The following OR51B5 variants were observed in gnomAD, a reference collection of about 807,000 sequenced individuals.
OR51B5 encodes the protein olfactory receptor family 51 subfamily B member 5.
For synonymous variants in OR51B5, 186 were observed against 144.8 expected, an observed-to-expected ratio of 1.28 and a Z score of -2.04; for missense variants, 456 against 374.6, an observed-to-expected ratio of 1.22 and a Z score of -1.79.
chr11:5,449,737 G>A (rs1850816521), intron 1 of OR51B5, among the ~76,000 whole-genome samples: 1 of 152,208 alleles, frequency 6.6e-6, no homozygotes, highest in Non-Finnish European at 1.5e-5. Flanking sequence ...TAGAAGGGAA[G>A]TGGTCACAAC....
chr11:5,416,332 C>A (rs936660222), intron 1 of OR51B5, among the ~76,000 whole-genome samples: 9 of 151,070 alleles, frequency 6.0e-5, no homozygotes, highest in African/African-American at 1.7e-4. Flanking sequence ...ACTGAATGGG[C>A]AAAAACTGGA....
rs141201376 is a variant in OR51B5 at position 5,441,091 on chromosome 11, G to A, written n.84+64478C>T. On this transcript the variant is annotated intron_variant and non_coding_transcript_variant, in intron 1 of 4. Coordinates refer to the OR51B5 transcript ENST00000415970. The stretch of plus-strand genomic sequence containing the variant: ...ATGCCCAGACCCATAGCCAATATAC[G>A]GTTGTGAGTGAGCACAGTGACATAG... 77 of 1,613,900 alleles carry A rather than the reference G, an allele frequency of 4.8e-5. No individual in the cohort carries two copies. The Middle Eastern group carries it at 1.3e-3, about 28-fold the overall frequency.
intron 1 of OR51B5, chr11:5,441,625 C>T (rs1231201281): frequency 3.8e-6 from 3 of 783,022 alleles, no homozygotes; most frequent in Non-Finnish European, 6.1e-6. Context: ...AAAATGATTG[C>T]CTGTATTCCT....
At chr11:5,419,931 T>G (rs1266163887) in intron 1 of OR51B5, among the ~76,000 whole-genome samples, 1 of 151,516 alleles carries the variant, frequency 6.6e-6, no homozygotes, top group Non-Finnish European at 1.5e-5. Flanking sequence ...TAAGCACATA[T>G]ATAAAGATTA....
chr11:5,484,915 G>C (rs906023824), intron 1 of OR51B5, among the ~76,000 whole-genome samples: 1 of 152,184 alleles, frequency 6.6e-6, no homozygotes, highest in Non-Finnish European at 1.5e-5. Flanking sequence ...TCCAATACAT[G>C]TTATACAGTA....
chr11:5,413,022 C>G (rs12575881), intron 1 of OR51B5, among the ~76,000 whole-genome samples: 1 of 105,732 alleles, frequency 9.5e-6, no homozygotes, highest in East Asian at 2.2e-4. Context: ...AGCAGCCTTA[C>G]TGGGAGGCAC....
chr11:5,366,307 G>A (rs1487241179), intron 1 of OR51B5, among the ~76,000 whole-genome samples: 1 of 152,042 alleles, frequency 6.6e-6, no homozygotes, highest in Non-Finnish European at 1.5e-5. Context: ...TTCCTCTGTG[G>A]GTAGCCTGTT....
At chr11:5,489,670 A>AT (rs1440201618) in intron 1 of OR51B5, 1 of 1,587,214 alleles carries the variant, frequency 6.3e-7, no homozygotes, top group East Asian at 2.2e-5. Context: ...ATGAATGCTG[A>AT]GCAGAAGTTG....
chr11:5,406,096 G>A (rs904628360), intron 1 of OR51B5, among the ~76,000 whole-genome samples: 7 of 152,104 alleles, frequency 4.6e-5, no homozygotes, highest in African/African-American at 9.7e-5. Context: ...ATTGTTAAAT[G>A]GCTTAACATA....
At chr11:5,413,466 C>T (rs10838068) in intron 1 of OR51B5, among the ~76,000 whole-genome samples, 59,656 of 152,044 alleles carry the variant, frequency 0.39, 13,102 homozygotes, top group Non-Finnish European at 0.5. Flanking sequence ...GAGAAAAAGG[C>T]TTCAGACAAT....
At chr11:5,494,403 A>C (rs1851620258) in intron 1 of OR51B5, among the ~76,000 whole-genome samples, 2 of 152,090 alleles carry the variant, frequency 1.3e-5, no homozygotes, top group Admixed American at 6.6e-5. Context: ...GTCCACTTAC[A>C]TACTTGTCTC....
At chr11:5,417,903 C>G (rs1256061930) in intron 1 of OR51B5, among the ~76,000 whole-genome samples, 3 of 123,076 alleles carry the variant, frequency 2.4e-5, no homozygotes, top group South Asian at 6.4e-4. Flanking sequence ...CCAGCCATCC[C>G]ATTACTGGGT....
At chr11:5,434,251 C>T (rs28577580) in intron 1 of OR51B5, among the ~76,000 whole-genome samples, 5,499 of 152,254 alleles carry the variant, frequency 0.036, 276 homozygotes, top group African/African-American at 0.12. Context: ...ACAGTGACAG[C>T]ATTTTAGACT....
intron 1 of OR51B5, among the ~76,000 whole-genome samples, chr11:5,487,555 G>C (rs1851515943): frequency 6.6e-6 from 1 of 152,180 alleles, no homozygotes. Flanking sequence ...TAATGTTACA[G>C]AATCGGGGCT....
upstream of OR51B5, among the ~76,000 whole-genome samples, chr11:5,347,660 C>G (rs1469795593): frequency 6.6e-6 from 1 of 152,056 alleles, no homozygotes; most frequent in Non-Finnish European, 1.5e-5. Flanking sequence ...AGAGGAAAAC[C>G]TCCAGTAAAA....
At chr11:5,454,161 G>A in intron 1 of OR51B5, 1 of 1,614,078 alleles carries the variant, frequency 6.2e-7, no homozygotes, top group South Asian at 1.1e-5. Flanking sequence ...TCTGCGTTCT[G>A]TCATGGCCAC....
chr11:5,477,536 G>C (rs576381331), intron 1 of OR51B5, among the ~76,000 whole-genome samples: 42 of 152,270 alleles, frequency 2.8e-4, no homozygotes, highest in African/African-American at 7.2e-4. Context: ...GAACAGCTCC[G>C]GTCTACAGCT....
chr11:5,370,709 C>T (rs576932922), intron 1 of OR51B5, among the ~76,000 whole-genome samples: 2 of 152,116 alleles, frequency 1.3e-5, no homozygotes, highest in East Asian at 3.9e-4. Context: ...ATTCTCTGTT[C>T]CTATGAAGCT....
At chr11:5,439,598 A>G (rs1850644672) in intron 1 of OR51B5, among the ~76,000 whole-genome samples, 1 of 152,188 alleles carries the variant, frequency 6.6e-6, no homozygotes, top group Non-Finnish European at 1.5e-5. Context: ...CTCACTCCTG[A>G]TAGTTTTTTG....
Sources: allele counts gnomAD v4.1 joint callset (sites outside exome capture counted in the v4.1 genomes callset), GRCh38; gene constraint gnomAD v4.1.1; transcripts MANE v1.5; gene names NCBI Gene and HGNC (gene_info 2026-07-23, HGNC 2026-07-21).